The following DLG2 variants were observed in gnomAD, a reference collection of about 807,000 sequenced individuals.
DLG2 encodes the protein discs large MAGUK scaffold protein 2.
In DLG2, 45 loss-of-function variants were observed where a neutral mutation model predicts 132.5. The ratio of observed to expected loss-of-function variants is 0.34; its 90% CI spans 0.27 to 0.44. The LOEUF is 0.44. DLG2 is among the 20% of genes least tolerant of loss of function. The pLI, the probability that DLG2 is intolerant of heterozygous loss-of-function variation, is 1.00. For synonymous variants in DLG2, 424 were observed against 419.6 expected (o/e 1.01, Z -0.13); for missense variants, 1,045 against 1,196.9 (o/e 0.87, Z 1.87).
intron 7 of DLG2, among the ~76,000 whole-genome samples, chr11:84,396,702 G>A (rs1393223280): frequency 6.6e-6 from 1 of 152,180 alleles, no homozygotes; most frequent in Non-Finnish European, 1.5e-5. Context: ...TGAGAGACTT[G>A]GTGAAAACAA....
intron 7 of DLG2, among the ~76,000 whole-genome samples, chr11:84,323,496 G>A (rs1019467007): frequency 6.6e-6 from 1 of 152,088 alleles, no homozygotes; most frequent in Non-Finnish European, 1.5e-5. Flanking sequence ...AATGCTCAAT[G>A]AACATGAGAG....
At chr11:84,734,545 G>A (rs185697524) in intron 6 of DLG2, among the ~76,000 whole-genome samples, 25 of 152,214 alleles carry the variant, frequency 1.6e-4, no homozygotes, top group Admixed American at 1.1e-3. Flanking sequence ...GGGCTGAGAC[G>A]ATGGGGTTTT....
chr11:84,351,322 C>A (rs182149904), intron 7 of DLG2, among the ~76,000 whole-genome samples: 80 of 152,164 alleles, frequency 5.3e-4, no homozygotes, highest in African/African-American at 1.8e-3. Context: ...CCCAGGTCCT[C>A]TCATATTTCT....
In DLG2 at chr11:85,556,949, G is replaced by A. The variant is rs1241121954; in HGVS notation, c.40+41708C>T. On this transcript the variant is annotated intron_variant, in intron 3 of 27. Coordinates refer to ENST00000376104, the MANE Select transcript of DLG2 (RefSeq NM_001142699.3). ...TAAGTTTGAGGAAGTCCTAGCCACT[G>A]CAATCAGGCAAGAGGAAGAAATAAA... 1.3e-5 allele frequency among the ~76,000 whole-genome samples: 2 copies of A among 151,766 alleles called. 1 individual carries two copies. The highest frequency in any genetic ancestry group is 2.9e-5 in the Non-Finnish European group (2 of 67,858).
intron 3 of DLG2, among the ~76,000 whole-genome samples, chr11:85,370,609 C>G (rs1258309749): frequency 6.6e-6 from 1 of 152,096 alleles, no homozygotes; most frequent in African/African-American, 2.4e-5. Flanking sequence ...ATCATTTTGG[C>G]AAAATAATTA....
intron 4 of DLG2, among the ~76,000 whole-genome samples, chr11:85,163,354 A>C (rs2078183384): frequency 6.6e-6 from 1 of 152,166 alleles, no homozygotes; most frequent in South Asian, 2.1e-4. Context: ...AATGACATTA[A>C]TATGGACTGC....
intron 3 of DLG2, among the ~76,000 whole-genome samples, chr11:85,298,508 G>A (rs1224991451): frequency 2.0e-5 from 3 of 152,002 alleles, no homozygotes; most frequent in Admixed American, 6.6e-5. Flanking sequence ...TTTCAGAAAT[G>A]TCAGTCACAA....
intron 3 of DLG2, among the ~76,000 whole-genome samples, chr11:85,389,705 T>C (rs1205077670): frequency 6.6e-6 from 1 of 152,166 alleles, no homozygotes; most frequent in Non-Finnish European, 1.5e-5. Context: ...GTCATATCTT[T>C]AGCCTCCACA....
At chr11:85,391,188 G>A (rs1246061126) in intron 3 of DLG2, among the ~76,000 whole-genome samples, 1 of 151,936 alleles carries the variant, frequency 6.6e-6, no homozygotes, top group African/African-American at 2.4e-5. Context: ...AAAACCTAGA[G>A]GACATGGATA....
At chr11:85,378,944 C>G (rs1428153885) in intron 3 of DLG2, among the ~76,000 whole-genome samples, 2 of 152,148 alleles carry the variant, frequency 1.3e-5, no homozygotes, top group Admixed American at 6.5e-5. Flanking sequence ...GTTACGAGCT[C>G]TAATTTTGCA....
chr11:83,565,694 T>C (rs933369863), intron 19 of DLG2, among the ~76,000 whole-genome samples: 3 of 152,222 alleles, frequency 2.0e-5, no homozygotes, highest in African/African-American at 7.2e-5. Context: ...GAAGGGTATA[T>C]GATATGCAGT....
At chr11:84,209,075 AG>A (rs1359004557) in intron 8 of DLG2, among the ~76,000 whole-genome samples, 1 of 152,224 alleles carries the variant, frequency 6.6e-6, no homozygotes, top group Admixed American at 6.5e-5. Context: ...GTCCCTTGAG[AG>A]AATCTGGAAA....
intron 6 of DLG2, among the ~76,000 whole-genome samples, chr11:85,042,339 A>T (rs1363314064): frequency 6.6e-6 from 1 of 151,992 alleles, no homozygotes; most frequent in Non-Finnish European, 1.5e-5. Context: ...CTTCAAACTT[A>T]GTTGTTGTTT....
At chr11:85,552,623 A>G (rs1362387124) in intron 3 of DLG2, among the ~76,000 whole-genome samples, 1 of 151,690 alleles carries the variant, frequency 6.6e-6, no homozygotes, top group Non-Finnish European at 1.5e-5. Context: ...TAGAACTTCT[A>G]AAAAGGCATT....
At chr11:84,183,217 A>AAAATACTTTCTAACTCAT (rs1252050322) in intron 8 of DLG2, among the ~76,000 whole-genome samples, 3 of 152,226 alleles carry the variant, frequency 2.0e-5, no homozygotes, top group Non-Finnish European at 2.9e-5. Flanking sequence ...AGAAGCACAA[A>AAAATACTTTCTAACTCAT]AAATACTTTC....
In DLG2 at chr11:85,453,071, G is replaced by A. The variant is rs899354062; in HGVS notation, c.40+145586C>T. On this transcript the variant is annotated intron_variant, in intron 3 of 27. Coordinates refer to ENST00000376104, the MANE Select transcript of DLG2 (RefSeq NM_001142699.3). ...CACCAAACACAAAGAAAAGAGAGGAGCACTTTTTGTCTTGCTACTAAAAAA... is the reference window on the plus strand; with the variant it reads ...CACCAAACACAAAGAAAAGAGAGGAACACTTTTTGTCTTGCTACTAAAAAA... 7 of 194,142 alleles carry A rather than the reference G, an allele frequency of 3.6e-5. No individual in the cohort carries two copies. The South Asian group carries it at 7.0e-4, about 19-fold the overall frequency. 12.0% of individuals were successfully genotyped at this position (194,142 alleles called of 1,614,324 possible). A position where few individuals can be genotyped will look rare whatever the true frequency, so the allele number is the denominator to read the frequency against.
rs2089940751 is a variant in DLG2, at chr11:83,965,333, T to C, written c.1192A>G (p.Ile398Val). The C allele has an allele frequency of 6.2e-7, 1 of 1,608,932 alleles. No individual in the cohort carries two copies. The highest frequency in any genetic ancestry group is 1.3e-5 in the African/African-American group (1 of 74,630). Residue 398 changes from isoleucine (I) to valine (V), a missense_variant, in exon 13 of 28, where the codon ATT (isoleucine) becomes GTT (valine). By Grantham distance (29) the Ile-to-Val change is conservative. Transcript: ENST00000376104. ...YMTDPYGPPD[I>V]THSYSPPMEN... ...TGACAATGGTACTTACAGTGAGTAA[T>C]ATCAGGTGGACCATAAGGATCAGTC...
chr11:83,532,912 C>A (rs564395527), intron 20 of DLG2, 129 bp from the exon 21 acceptor site: 48 of 761,090 alleles, frequency 6.3e-5, no homozygotes, highest in African/African-American at 5.0e-4. Context: ...AAATATTTCT[C>A]TTCCTTTGTT....
rs145209555 is a variant in DLG2, at chr11:85,560,935, G to C, written c.40+37722C>G. On this transcript the variant is annotated intron_variant, in intron 3 of 27. Transcript: ENST00000376104. ...TAATCCCAGCTATTCAGGGAGTTGAGGTGGGAGGATTGCTTGAGCCTGAGA... is the reference window on the plus strand; with the variant it reads ...TAATCCCAGCTATTCAGGGAGTTGACGTGGGAGGATTGCTTGAGCCTGAGA... Among the ~76,000 whole-genome samples the C allele has an allele frequency of 3.7e-3, 556 of 151,654 alleles. 13 individuals carry two copies. The highest frequency in any genetic ancestry group is 6.8e-3 in the Middle Eastern group (2 of 294).
Sources: gnomAD v4.1 joint callset for allele counts (sites outside exome capture counted in the v4.1 genomes callset) on GRCh38, gnomAD v4.1.1 for gene constraint, MANE v1.5 for transcripts, NCBI Gene and HGNC (gene_info 2026-07-23, HGNC 2026-07-21) for gene names.